The following NAALADL2 variants were observed in gnomAD, a reference collection of about 807,000 sequenced individuals.
The protein encoded by NAALADL2 is inactive N-acetylated-alpha-linked acidic dipeptidase-like protein 2.
In NAALADL2, 76 loss-of-function variants were observed where a neutral mutation model predicts 87.2. The observed-to-expected ratio is 0.87, with a 90% CI of 0.72 to 1.05. NAALADL2 has a LOEUF of 1.05. Among genes scored for constraint, NAALADL2 ranks in the 50% least tolerant of loss-of-function variants. The probability of loss-of-function intolerance (pLI) is 0.00; values close to 1 mark genes in which losing one functional copy is unlikely to be tolerated. For missense variants in NAALADL2, 1,089 were observed against 945.8 expected (o/e 1.15, Z -1.99); for synonymous variants, 354 against 331.0 (o/e 1.07, Z -0.75).
intron 1 of NAALADL2, 78 bp downstream of exon 1, chr3:174,859,528 T>C: frequency 8.5e-7 from 1 of 1,170,336 alleles, no homozygotes; most frequent in Non-Finnish European, 1.3e-6. Flanking sequence ...AGTCTGTGTG[T>C]TTCTGTGTAT....
At chr3:174,877,031 G>A (rs113166251) in intron 1 of NAALADL2, among the ~76,000 whole-genome samples, 5 of 152,078 alleles carry the variant, frequency 3.3e-5, no homozygotes, top group African/African-American at 1.2e-4. Flanking sequence ...TATAAAACAT[G>A]AATCTCATTA....
chr3:174,982,802 AT>A (rs1317804962), intron 1 of NAALADL2, among the ~76,000 whole-genome samples: 374 of 149,252 alleles, frequency 2.5e-3, no homozygotes, highest in Non-Finnish European at 4.0e-3. Flanking sequence ...CCAGGTTAAA[AT>A]TTTTTTTTTT....
At chr3:174,903,562 T>C (rs1390567238) in intron 1 of NAALADL2, among the ~76,000 whole-genome samples, 1 of 151,484 alleles carries the variant, frequency 6.6e-6, no homozygotes, top group Non-Finnish European at 1.5e-5. Flanking sequence ...TTTCTTTGTA[T>C]CTATCTTTTA....
chr3:175,673,998 T>C (rs1026111941), intron 11 of NAALADL2, among the ~76,000 whole-genome samples: 1 of 152,082 alleles, frequency 6.6e-6, no homozygotes, highest in African/African-American at 2.4e-5. Flanking sequence ...CAAAGATCCC[T>C]ATAATGTTAT....
chr3:175,086,939 A>G (rs1719067888), intron 1 of NAALADL2, among the ~76,000 whole-genome samples: 1 of 152,164 alleles, frequency 6.6e-6, no homozygotes. Context: ...TCATACATAA[A>G]GTTTACTTAC....
chr3:175,166,858 C>T (rs893599766), intron 2 of NAALADL2, among the ~76,000 whole-genome samples: 10 of 152,068 alleles, frequency 6.6e-5, no homozygotes, highest in Non-Finnish European at 1.5e-4. Flanking sequence ...CTCACAGTGT[C>T]ATAATCCTCA....
intron 11 of NAALADL2, among the ~76,000 whole-genome samples, chr3:175,650,225 A>G (rs1730578685): frequency 6.6e-6 from 1 of 152,222 alleles, no homozygotes; most frequent in Non-Finnish European, 1.5e-5. Flanking sequence ...GCAAAAGGTG[A>G]CATATTGAAT....
chr3:174,712,957 C>T (rs775135042), intron 2 of NAALADL2, among the ~76,000 whole-genome samples: 10 of 152,042 alleles, frequency 6.6e-5, no homozygotes, highest in Non-Finnish European at 2.9e-5. Flanking sequence ...TCCCCCCTCC[C>T]CCAACCCCAC....
At chr3:175,233,803 G>T in intron 2 of NAALADL2, 128 bp from the exon 3 acceptor site, 1 of 623,396 alleles carries the variant, frequency 1.6e-6, no homozygotes, top group Non-Finnish European at 2.8e-6. Context: ...ATGTGATAGG[G>T]TCCTGTCTCA....
intron 2 of NAALADL2, among the ~76,000 whole-genome samples, chr3:174,724,647 T>G (rs633509): frequency 0.3 from 45,973 of 151,920 alleles, 7,541 homozygotes; most frequent in Non-Finnish European, 0.37. Context: ...ATTTATTTAT[T>G]GCATATAGTA....
At chr3:174,934,335 A>G (rs1006282505) in intron 1 of NAALADL2, among the ~76,000 whole-genome samples, 3 of 152,162 alleles carry the variant, frequency 2.0e-5, no homozygotes, top group African/African-American at 4.8e-5. Context: ...ATTTTTAACT[A>G]TTAACCCAGA....
At chr3:175,203,169 T>G (rs897988319) in intron 2 of NAALADL2, among the ~76,000 whole-genome samples, 1 of 152,050 alleles carries the variant, frequency 6.6e-6, no homozygotes, top group East Asian at 1.9e-4. Flanking sequence ...TTCAAATAAT[T>G]GTTACAAAGT....
intron 3 of NAALADL2, among the ~76,000 whole-genome samples, chr3:174,749,301 G>C (rs1734588746): frequency 6.6e-6 from 1 of 152,084 alleles, no homozygotes; most frequent in Non-Finnish European, 1.5e-5. Context: ...AGAAAACATA[G>C]CCACAATATT....
In NAALADL2 at chr3:175,395,769, CT is replaced by C. The variant is rs1277901950; in HGVS notation, c.1091-51459del. 5.9e-5 allele frequency among the ~76,000 whole-genome samples: 9 copies of C among 152,268 alleles called. No homozygotes were observed. In the East Asian group the frequency reaches 1.7e-3, roughly 29 times the overall value. ...AGCTATCCATCTCTGAAAAAGGCCG[CT>C]GTTTTCAAATATAACTTGCTACAAT... On this transcript the variant is annotated intron_variant, in intron 5 of 13. Transcript: ENST00000454872.
At chr3:175,477,515 A>G (rs1047813402) in intron 9 of NAALADL2, among the ~76,000 whole-genome samples, 1 of 152,124 alleles carries the variant, frequency 6.6e-6, no homozygotes, top group African/African-American at 2.4e-5. Flanking sequence ...GGCCAAATGA[A>G]TTAAAGTCCT....
At chr3:175,215,382 C>T (rs1207117509) in intron 2 of NAALADL2, among the ~76,000 whole-genome samples, 1 of 152,136 alleles carries the variant, frequency 6.6e-6, no homozygotes, top group Non-Finnish European at 1.5e-5. Flanking sequence ...CCCACGATAG[C>T]ATTTTTCCAT....
At chr3:174,520,278 C>G (rs1019862337) in intron 1 of NAALADL2, among the ~76,000 whole-genome samples, 1 of 152,222 alleles carries the variant, frequency 6.6e-6, no homozygotes, top group South Asian at 2.1e-4. Flanking sequence ...GCAAAAGGAA[C>G]AAAGCTGGAG....
chr3:175,761,002 G>C (rs979286449), intron 13 of NAALADL2, among the ~76,000 whole-genome samples: 1 of 152,142 alleles, frequency 6.6e-6, no homozygotes, highest in African/African-American at 2.4e-5. Flanking sequence ...TTGCAGTAGT[G>C]TGTTGGTACA....
chr3:174,961,831 A>G (rs918647918), intron 1 of NAALADL2, among the ~76,000 whole-genome samples: 1 of 152,070 alleles, frequency 6.6e-6, no homozygotes, highest in Non-Finnish European at 1.5e-5. Context: ...TGAGACAGAC[A>G]TGGTTCTACA....
Sources: gnomAD v4.1 joint callset for allele counts (sites outside exome capture counted in the v4.1 genomes callset) on GRCh38, gnomAD v4.1.1 for gene constraint, MANE v1.5 for transcripts, NCBI Gene and HGNC (gene_info 2026-07-23, HGNC 2026-07-21) for gene names.